Variants in SLC26A5 observed in about 807,000 individuals in gnomAD.
The protein encoded by SLC26A5 is solute carrier family 26 member 5, also known as prestin.
Under a neutral mutation model 81.0 loss-of-function variants are expected in SLC26A5, and 51 were observed. The ratio of observed to expected loss-of-function variants is 0.63; its 90% CI spans 0.50 to 0.80. The LOEUF (loss-of-function observed/expected upper bound fraction) is 0.80, where lower values mean the gene tolerates loss of function less well. Ranked by LOEUF, SLC26A5 falls within the 30% of genes least tolerant of loss-of-function variation. SLC26A5 has a pLI of 0.00. For synonymous variants in SLC26A5, 325 were observed against 332.8 expected (o/e 0.98, Z 0.25); for missense variants, 771 against 905.8 (o/e 0.85, Z 1.91).
chr7:103,398,324 C>A (rs962576610), intron 8 of SLC26A5, among the ~76,000 whole-genome samples: 2 of 152,174 alleles, frequency 1.3e-5, no homozygotes. Flanking sequence ...GTTGACCTTA[C>A]CTTTAGGGTG....
intron 19 of SLC26A5, chr7:103,364,163 T>G: frequency 6.2e-7 from 1 of 1,614,060 alleles, no homozygotes; most frequent in Non-Finnish European, 8.5e-7. Context: ...TTGTGAACCT[T>G]GGCATTGAGC....
At chr7:103,356,241 A>G (rs965856980) in intron 19 of SLC26A5, among the ~76,000 whole-genome samples, 4 of 152,098 alleles carry the variant, frequency 2.6e-5, no homozygotes, top group Admixed American at 6.6e-5. Context: ...TGTGTTTTTA[A>G]AAAATTGCAA....
intron 2 of SLC26A5, among the ~76,000 whole-genome samples, chr7:103,434,477 C>G (rs1826303490): frequency 6.6e-6 from 1 of 152,104 alleles, no homozygotes; most frequent in African/African-American, 2.4e-5. Flanking sequence ...TCCTCAACTA[C>G]AGGAACTTTT....
At chr7:103,385,507 C>A (rs1822118099) in intron 14 of SLC26A5, among the ~76,000 whole-genome samples, 1 of 152,032 alleles carries the variant, frequency 6.6e-6, no homozygotes, top group South Asian at 2.1e-4. Context: ...CTACCCCTCT[C>A]CAGAAGTGTG....
chr7:103,360,588 G>A (rs913992021), intron 19 of SLC26A5, among the ~76,000 whole-genome samples: 2 of 152,116 alleles, frequency 1.3e-5, no homozygotes, highest in African/African-American at 4.8e-5. Context: ...CTTACTTTTA[G>A]CTCTACCTAT....
chr7:103,370,572 G>T (rs1223113182), downstream of SLC26A5, among the ~76,000 whole-genome samples: 1 of 152,170 alleles, frequency 6.6e-6, no homozygotes, highest in Non-Finnish European at 1.5e-5. Flanking sequence ...ACACAGAGTG[G>T]ATGTTTTAGA....
At chr7:103,393,306 T>C (rs1263943743) in intron 9 of SLC26A5, among the ~76,000 whole-genome samples, 1 of 152,158 alleles carries the variant, frequency 6.6e-6, no homozygotes. Context: ...AGAGATCAGA[T>C]GCCGTTTTAT....
chr7:103,405,375 C>T (rs1586301104), intron 8 of SLC26A5, among the ~76,000 whole-genome samples: 1 of 152,242 alleles, frequency 6.6e-6, no homozygotes, highest in East Asian at 1.9e-4. Context: ...TTTATGTTGA[C>T]GTCCTTTCTG....
At chr7:103,355,886 A>T in intron 19 of SLC26A5, 1 of 840,902 alleles carries the variant, frequency 1.2e-6, no homozygotes, top group Non-Finnish European at 1.8e-6. Flanking sequence ...GTTCATAAAT[A>T]ATTTTGATTC....
intron 2 of SLC26A5, among the ~76,000 whole-genome samples, chr7:103,430,002 C>A (rs1825952656): frequency 6.6e-6 from 1 of 151,972 alleles, no homozygotes; most frequent in African/African-American, 2.4e-5. Flanking sequence ...GACTCTTACA[C>A]GTTAATATCC....
At chr7:103,433,929 C>T (rs1339556187) in intron 2 of SLC26A5, among the ~76,000 whole-genome samples, 1 of 152,064 alleles carries the variant, frequency 6.6e-6, no homozygotes, top group Non-Finnish European at 1.5e-5. Flanking sequence ...TCTTGATCTC[C>T]TGACCTCGTG....
At chr7:103,416,476 A>G (rs1824918036) in intron 4 of SLC26A5, among the ~76,000 whole-genome samples, 1 of 152,218 alleles carries the variant, frequency 6.6e-6, no homozygotes, top group African/African-American at 2.4e-5. Context: ...CCTTCTTGAC[A>G]TCTCTTGGTA....
In SLC26A5 at chr7:103,367,367, C is replaced by T; in HGVS notation, c.2041+9441G>A. 5 of 1,593,162 alleles carry T rather than the reference C, an allele frequency of 3.1e-6. No homozygotes were observed. Among genetic ancestry groups the T allele is most frequent in the Non-Finnish European group, 4.3e-6 (5 of 1,163,042 alleles). Reference sequence around the variant, plus strand: ...TACTTTCAGGTCATGCATAGTGCTACTCTTGAGTGGACTTGAAGAGCTTAT... The same window carrying T: ...TACTTTCAGGTCATGCATAGTGCTATTCTTGAGTGGACTTGAAGAGCTTAT... On this transcript the variant is annotated intron_variant, in intron 19 of 19. Transcript: ENST00000339444. The surrounding 1 kb of genome is among the most constrained non-coding windows in gnomAD (Gnocchi z 6.1).
At chr7:103,377,469 TGAAA>T in intron 18 of SLC26A5, 126 bp downstream of exon 18, 1 of 833,348 alleles carries the variant, frequency 1.2e-6, no homozygotes, top group South Asian at 1.5e-5. Flanking sequence ...TATATATTTT[TGAAA>T]TTTTCCATAA....
At chr7:103,361,942 T>C in intron 19 of SLC26A5, 5 of 1,594,302 alleles carry the variant, frequency 3.1e-6, no homozygotes, top group Admixed American at 1.9e-5. Context: ...CTAATCAAGC[T>C]TTTTGCTGTG....
intron 14 of SLC26A5, chr7:103,388,799 A>G: frequency 2.0e-6 from 1 of 511,916 alleles, no homozygotes; most frequent in Non-Finnish European, 3.7e-6. Context: ...TGTGACATAG[A>G]AGAGCATTTG....
intron 2 of SLC26A5, among the ~76,000 whole-genome samples, chr7:103,422,239 C>T (rs1176040177): frequency 6.6e-6 from 1 of 152,110 alleles, no homozygotes; most frequent in African/African-American, 2.4e-5. Flanking sequence ...AAAAATACAA[C>T]ATATTTGTGC....
rs886061846 is a variant in SLC26A5, at chr7:103,374,324, C to T, written c.*75G>A. 28 of 1,579,492 alleles carry T rather than the reference C, an allele frequency of 1.8e-5. No homozygotes were observed. The highest frequency in any genetic ancestry group is 9.2e-5 in the Admixed American group (5 of 54,236). On this transcript the variant is annotated 3_prime_UTR_variant, in exon 20 of 20. Transcript: ENST00000306312. ...TTCACCCTTAGAAAAAAAAATCTAG[C>T]GTCTAGTATTTAAAACGTGTAAATT...
At chr7:103,377,127 GAT>G (rs1421049410) in intron 18 of SLC26A5, among the ~76,000 whole-genome samples, 1 of 152,038 alleles carries the variant, frequency 6.6e-6, no homozygotes, top group Non-Finnish European at 1.5e-5. Context: ...TAACTTAAAG[GAT>G]ATTATAATTT....
Sources: gnomAD v4.1 joint callset for allele counts (sites outside exome capture counted in the v4.1 genomes callset) on GRCh38, gnomAD v4.1.1 for gene constraint, Gnocchi (gnomAD v3.1) non-coding constraint, MANE v1.5 for transcripts, NCBI Gene and HGNC (gene_info 2026-07-23, HGNC 2026-07-21) for gene names.